CSMD3: variants seen among roughly 807,000 people sequenced by gnomAD.
The protein encoded by CSMD3 is CUB and Sushi multiple domains 3.
Under a neutral mutation model 435.2 loss-of-function variants are expected in CSMD3, and 177 were observed. The ratio of observed to expected loss-of-function variants is 0.41; its 90% CI spans 0.36 to 0.46. CSMD3 has a LOEUF of 0.46. Ranked by LOEUF, CSMD3 falls within the 20% of genes least tolerant of loss-of-function variation. The pLI is 0.34. For synonymous variants in CSMD3, 1,656 were observed against 1,520.5 expected (o/e 1.09, Z -2.07); for missense variants, 4,265 against 4,504.6 (o/e 0.95, Z 1.52).
intron 8 of CSMD3, among the ~76,000 whole-genome samples, chr8:112,949,617 A>G (rs2083738870): frequency 6.6e-6 from 1 of 152,054 alleles, no homozygotes; most frequent in Non-Finnish European, 1.5e-5. Flanking sequence ...CATCTAATCT[A>G]TCTACTTAAA....
At chr8:113,196,044 T>C (rs2092651606) in intron 3 of CSMD3, among the ~76,000 whole-genome samples, 1 of 150,870 alleles carries the variant, frequency 6.6e-6, no homozygotes, top group Non-Finnish European at 1.5e-5. Flanking sequence ...CATTCTCTAA[T>C]AAATATTGGG....
intron 32 of CSMD3, among the ~76,000 whole-genome samples, chr8:112,411,122 C>CTT (rs144741058): frequency 3.0e-4 from 41 of 136,486 alleles, no homozygotes; most frequent in African/African-American, 6.9e-4. Context: ...AAAAATTCAT[C>CTT]TTTTTTTTTT....
chr8:112,543,708 T>A (rs1826894759), intron 27 of CSMD3, among the ~76,000 whole-genome samples: 2 of 152,056 alleles, frequency 1.3e-5, no homozygotes, highest in Admixed American at 1.3e-4. Flanking sequence ...TACTTTACGA[T>A]CCAACAATCC....
intron 2 of CSMD3, among the ~76,000 whole-genome samples, chr8:113,306,376 A>C (rs969282028): frequency 1.3e-5 from 2 of 152,154 alleles, no homozygotes; most frequent in Non-Finnish European, 2.9e-5. Flanking sequence ...TGTAATCTTT[A>C]GGAAAACTTG....
intron 2 of CSMD3, among the ~76,000 whole-genome samples, chr8:113,303,291 G>A (rs2093789040): frequency 1.5e-5 from 2 of 136,162 alleles, no homozygotes; most frequent in Admixed American, 7.6e-5. Flanking sequence ...AATATTCCAT[G>A]CTCATGGGTA....
intron 59 of CSMD3, among the ~76,000 whole-genome samples, chr8:112,265,949 C>T (rs1394987116): frequency 6.6e-6 from 1 of 152,064 alleles, no homozygotes; most frequent in Non-Finnish European, 1.5e-5. Context: ...ATTTGAAATT[C>T]ATATTCCTAT....
At chr8:113,159,786 T>A (rs2092003928) in intron 4 of CSMD3, among the ~76,000 whole-genome samples, 1 of 151,994 alleles carries the variant, frequency 6.6e-6, no homozygotes, top group Non-Finnish European at 1.5e-5. Flanking sequence ...AATTTCTCAT[T>A]AAATTATTAA....
At chr8:112,785,381 T>C (rs564151200) in intron 13 of CSMD3, among the ~76,000 whole-genome samples, 29 of 151,972 alleles carry the variant, frequency 1.9e-4, no homozygotes, top group Non-Finnish European at 3.4e-4. Context: ...ACCACTATTA[T>C]TCAACATAGT....
chr8:112,554,307 C>G (rs1016440951), intron 25 of CSMD3, among the ~76,000 whole-genome samples: 1 of 151,880 alleles, frequency 6.6e-6, no homozygotes, highest in African/African-American at 2.4e-5. Flanking sequence ...GGAATATTAC[C>G]TTTTATTGCA....
At chr8:112,794,730 C>T (rs1025948619) in intron 13 of CSMD3, among the ~76,000 whole-genome samples, 1 of 151,924 alleles carries the variant, frequency 6.6e-6, no homozygotes, top group African/African-American at 2.4e-5. Context: ...AACTGCCAGT[C>T]AGGGATAAAA....
At chr8:112,568,926 A>G (rs1307501652) in intron 24 of CSMD3, among the ~76,000 whole-genome samples, 1 of 151,998 alleles carries the variant, frequency 6.6e-6, no homozygotes, top group African/African-American at 2.4e-5. Flanking sequence ...CTTGCTAACA[A>G]CTCTGATTTT....
At chr8:113,272,218 GGATGCTT>G (rs1406791792) in intron 3 of CSMD3, among the ~76,000 whole-genome samples, 1 of 152,064 alleles carries the variant, frequency 6.6e-6, no homozygotes, top group Non-Finnish European at 1.5e-5. Flanking sequence ...AGACTTTGGG[GGATGCTT>G]GGGAAGGCAG....
intron 65 of CSMD3, among the ~76,000 whole-genome samples, chr8:112,243,330 C>T (rs28637624): frequency 0.036 from 5,402 of 152,120 alleles, 121 homozygotes; most frequent in Non-Finnish European, 0.046. Flanking sequence ...TTTATGACAG[C>T]TGCATTAGAT....
intron 40 of CSMD3, among the ~76,000 whole-genome samples, chr8:112,348,212 A>C (rs1825835021): frequency 6.6e-6 from 1 of 152,234 alleles, no homozygotes; most frequent in Non-Finnish European, 1.5e-5. Context: ...TATGCCTTGA[A>C]TATCAATTTT....
chr8:112,695,615 A>T (rs2076235189), intron 13 of CSMD3, among the ~76,000 whole-genome samples: 1 of 152,202 alleles, frequency 6.6e-6, no homozygotes, highest in Non-Finnish European at 1.5e-5. Context: ...AAAAACCCAC[A>T]GCCAATGTCA....
chr8:113,215,265 C>A (rs771840884), intron 3 of CSMD3, among the ~76,000 whole-genome samples: 3 of 151,762 alleles, frequency 2.0e-5, no homozygotes, highest in Non-Finnish European at 4.4e-5. Flanking sequence ...CAAAATTAAG[C>A]CAAGGCAGTG....
At chr8:113,238,083 A>G (rs2132227241) in intron 3 of CSMD3, among the ~76,000 whole-genome samples, 1 of 151,980 alleles carries the variant, frequency 6.6e-6, no homozygotes, top group Non-Finnish European at 1.5e-5. Context: ...TCAAAAAAAA[A>G]AAAAAAAAAA....
chr8:113,106,818 G>A (rs1484696576), intron 4 of CSMD3, among the ~76,000 whole-genome samples: 1 of 152,018 alleles, frequency 6.6e-6, no homozygotes, highest in Non-Finnish European at 1.5e-5. Context: ...TGCAATCTTT[G>A]TTATCCACAT....
chr8:112,880,391 A>G (rs1212397057), intron 10 of CSMD3, among the ~76,000 whole-genome samples: 2 of 152,092 alleles, frequency 1.3e-5, no homozygotes, highest in African/African-American at 2.4e-5. Flanking sequence ...ATAATAGCCT[A>G]TAAGTACTAA....
Sources: gnomAD v4.1 joint callset for allele counts (sites outside exome capture counted in the v4.1 genomes callset) on GRCh38, gnomAD v4.1.1 for gene constraint, MANE v1.5 for transcripts, NCBI Gene and HGNC (gene_info 2026-07-23, HGNC 2026-07-21) for gene names.